The following PFKL variants were observed in gnomAD, a reference collection of about 807,000 sequenced individuals.
PFKL encodes ATP-dependent 6-phosphofructokinase, liver type.
Under a neutral mutation model 92.1 loss-of-function variants are expected in PFKL, and 74 were observed. The observed-to-expected ratio is 0.80, with a 90% CI of 0.67 to 0.97. The LOEUF (loss-of-function observed/expected upper bound fraction) is 0.97, where lower values mean the gene tolerates loss of function less well. Among genes scored for constraint, PFKL ranks in the 50% least tolerant of loss-of-function variants. PFKL has a pLI of 0.00. For synonymous variants in PFKL, 494 were observed against 456.4 expected (o/e 1.08, Z -1.05); for missense variants, 1,028 against 1,116.6 (o/e 0.92, Z 1.13).
chr21:44,324,750 C>T, intron 17 of PFKL, 95 bp downstream of exon 17: 1 of 1,565,338 alleles, frequency 6.4e-7, no homozygotes, highest in Non-Finnish European at 8.7e-7. Context: ...AGGGCCCGGG[C>T]AGGTGGGACG....
intron 1 of PFKL, among the ~76,000 whole-genome samples, chr21:44,301,306 C>T (rs894224546): frequency 6.6e-6 from 1 of 152,140 alleles, no homozygotes; most frequent in Admixed American, 6.5e-5. Context: ...CCCACCCGCC[C>T]TTTTCACAGC....
chr21:44,308,616 C>T (rs2041023956), intron 2 of PFKL, among the ~76,000 whole-genome samples: 1 of 149,156 alleles, frequency 6.7e-6, no homozygotes, highest in South Asian at 2.1e-4. Flanking sequence ...GGCTGGAGCG[C>T]AGTGGCACAA....
At chr21:44,312,468 T>G (rs980560572) in intron 4 of PFKL, among the ~76,000 whole-genome samples, 174 bp downstream of exon 4, 12 of 152,232 alleles carry the variant, frequency 7.9e-5, no homozygotes, top group African/African-American at 2.9e-4. Context: ...AGCTCAGATG[T>G]CTCCCAGAGA....
intron 9 of PFKL, among the ~76,000 whole-genome samples, chr21:44,316,794 C>T (rs186411567): frequency 5.7e-4 from 87 of 152,204 alleles, no homozygotes; most frequent in Non-Finnish European, 1.1e-3. Context: ...CAAGCTGTTG[C>T]TCCTCCTGGG....
At position 44,324,618 on chromosome 21, in the gene PFKL, A is replaced by G. The variant is rs2047448093; in HGVS notation, c.1778A>G (p.Tyr593Cys). 1 of 1,608,838 alleles carries G rather than the reference A, an allele frequency of 6.2e-7. No homozygotes were observed. Among genetic ancestry groups the G allele is most frequent in the Non-Finnish European group, 8.5e-7 (1 of 1,177,374 alleles). ...TGIAVGADAA[Y>C]VFEDPFNIHD... The stretch of plus-strand genomic sequence containing the variant: ...ATTGCTGTGGGGGCCGACGCCGCCT[A>G]CGTCTTCGAGGACCCTTTCAACATC... Residue 593 changes from tyrosine (Y) to cysteine (C), a missense_variant, in exon 17 of 22, where the codon TAC becomes TGC. By Grantham distance (194) the Tyr-to-Cys change is radical (BLOSUM62 -2). Transcript: ENST00000349048.
intron 9 of PFKL, 79 bp downstream of exon 9, chr21:44,316,603 C>A: frequency 9.4e-7 from 1 of 1,067,986 alleles, no homozygotes; most frequent in South Asian, 1.5e-5. Context: ...AGTGTGCACG[C>A]GAGCATGGCA....
At position 44,325,240 on chromosome 21, in the gene PFKL, C is replaced by T; in HGVS notation, c.1965C>T (p.Thr655=). The change falls in exon 19 of 22, where the codon ACC becomes ACT. Residue 655 remains threonine (T), a synonymous_variant. Transcript: ENST00000349048. ...SEGKGVFDCR[T]NVLGHLQQGG... Reference sequence around the variant, plus strand: ...GCAAGGGCGTCTTCGACTGCAGGACCAATGTCCTGGGCCACCTGCAGCAGG... The same window carrying T: ...GCAAGGGCGTCTTCGACTGCAGGACTAATGTCCTGGGCCACCTGCAGCAGG... 6.2e-7 allele frequency: 1 copy of T among 1,609,644 alleles called. No individual in the cohort carries two copies.
chr21:44,305,167 G>A, intron 1 of PFKL: 1 of 1,102,620 alleles, frequency 9.1e-7, no homozygotes, highest in Non-Finnish European at 1.2e-6. Context: ...CTCCCTCTGG[G>A]ATCTCATTGG....
intron 1 of PFKL, among the ~76,000 whole-genome samples, chr21:44,300,933 C>A (rs1026376688): frequency 1.3e-5 from 2 of 152,192 alleles, no homozygotes; most frequent in African/African-American, 2.4e-5. Flanking sequence ...AGTGTGGCAC[C>A]TGTGGCACAG....
intron 9 of PFKL, among the ~76,000 whole-genome samples, chr21:44,317,739 A>G (rs1223779164): frequency 2.0e-5 from 3 of 152,208 alleles, no homozygotes; most frequent in African/African-American, 4.8e-5. Context: ...GGTAACCTGC[A>G]CTTTTCCAAG....
At position 44,316,463 on chromosome 21, in the gene PFKL, G is replaced by A. The variant is rs1414808336; in HGVS notation, c.875G>A (p.Arg292His). 5.0e-6 allele frequency: 8 copies of A among 1,611,446 alleles called. No homozygotes were observed. Among genetic ancestry groups the A allele is most frequent in the South Asian group, 2.2e-5 (2 of 90,980 alleles). Residue 292 changes from arginine (R) to histidine (H), a missense_variant, in exon 9 of 22, where the codon CGT becomes CAT. Arg to His is a conservative substitution (Grantham distance 29, BLOSUM62 0). Coordinates refer to ENST00000349048, the MANE Select transcript of PFKL (RefSeq NM_002626.6). ...GTTCAGAGGCTGGGCTTCGACACCC[G>A]TGTAACTGTGCTGGGCCACGTGCAG... ...LVVQRLGFDTRVTVLGHVQRG... is the reference protein window; with the variant it reads ...LVVQRLGFDTHVTVLGHVQRG...
intron 4 of PFKL, among the ~76,000 whole-genome samples, chr21:44,312,563 G>A (rs372548024): frequency 3.1e-4 from 47 of 152,320 alleles, no homozygotes; most frequent in Admixed American, 1.2e-3. Context: ...CCTACGCTGC[G>A]TAGACAAGTC....
chr21:44,325,809 C>G, intron 19 of PFKL, 152 bp from the exon 20 acceptor site: 2 of 614,392 alleles, frequency 3.3e-6, no homozygotes, highest in South Asian at 3.9e-5. Flanking sequence ...GGTCCTCGAT[C>G]GGGAACAGAC....
At chr21:44,322,922 C>G (rs750817146) in intron 14 of PFKL, 40 bp from the exon 15 acceptor site, 2 of 1,472,218 alleles carry the variant, frequency 1.4e-6, no homozygotes, top group Non-Finnish European at 1.9e-6. Flanking sequence ...CACGCGTCCC[C>G]GGGTGCTGCG....
intron 8 of PFKL, 26 bp downstream of exon 8, chr21:44,316,365 C>T: frequency 6.2e-7 from 1 of 1,611,040 alleles, no homozygotes. Flanking sequence ...GGGGTGGCCA[C>T]TGGGCACCTG....
At chr21:44,322,790 C>A (rs541045410) in intron 14 of PFKL, among the ~76,000 whole-genome samples, 172 bp from the exon 15 acceptor site, 1 of 152,296 alleles carries the variant, frequency 6.6e-6, no homozygotes, top group African/African-American at 2.4e-5. Context: ...GCGGCTCACG[C>A]TGGGCCTGTG....
chr21:44,307,502 G>A (rs2040986357), intron 2 of PFKL, among the ~76,000 whole-genome samples: 1 of 152,166 alleles, frequency 6.6e-6, no homozygotes. Flanking sequence ...ATATGTAGCT[G>A]TTTATATAAA....
rs183612767 is a variant in PFKL, at chr21:44,310,347, G to A, written c.160-659G>A. Among the ~76,000 whole-genome samples the A allele has an allele frequency of 2.5e-3, 375 of 152,300 alleles. 1 individual carries two copies. Among genetic ancestry groups the A allele is most frequent in the Admixed American group, 6.1e-3 (94 of 15,306 alleles). On this transcript the variant is annotated intron_variant, in intron 2 of 21. Transcript: ENST00000349048. Reference sequence around the variant, plus strand: ...GAAGGCCCAGTGTGGCCGGCGTGGCGGGACGCGGAGCCTGGAGCCCCTGCC... The same window carrying A: ...GAAGGCCCAGTGTGGCCGGCGTGGCAGGACGCGGAGCCTGGAGCCCCTGCC...
chr21:44,326,360 C>A, intron 21 of PFKL, 96 bp downstream of exon 21: 1 of 934,970 alleles, frequency 1.1e-6, no homozygotes, highest in Non-Finnish European at 1.6e-6. Context: ...CCACTGGCAC[C>A]CTGACCCCGC....
Sources: allele counts gnomAD v4.1 joint callset (sites outside exome capture counted in the v4.1 genomes callset), GRCh38; gene constraint gnomAD v4.1.1; transcripts MANE v1.5; gene names NCBI Gene and HGNC (gene_info 2026-07-23, HGNC 2026-07-21).